The following HMGA1 variants were observed in gnomAD, a reference collection of about 807,000 sequenced individuals.
The protein encoded by HMGA1 is high mobility group protein HMG-I/HMG-Y.
In HMGA1, 1 loss-of-function variant was observed where a neutral mutation model predicts 15.1. That is an observed-to-expected ratio of 0.07 (90% CI 0.02 to 0.31). The LOEUF is 0.31. Among genes scored for constraint, HMGA1 ranks in the 10% least tolerant of loss-of-function variants. The pLI is 1.00. For synonymous variants in HMGA1, 56 were observed against 54.8 expected (o/e 1.02, Z -0.10); for missense variants, 94 against 141.4 (o/e 0.66, Z 1.70).
Position 34,240,861 on chromosome 6 carries a change from C to T in HMGA1, c.81C>T (p.Gly27=), listed in dbSNP as rs770767887. Residue 27 remains glycine (G), a synonymous_variant, in exon 3 of 6, where the codon GGC becomes GGT. Transcript: ENST00000311487. ...EKDGTEKRGR[G]RPRKQPPVSP... Reference sequence around the variant, plus strand: ...ACGGCACTGAGAAGCGGGGCCGGGGCAGGCCGCGCAAGCAGCCTCCGGTGA... The same window carrying T: ...ACGGCACTGAGAAGCGGGGCCGGGGTAGGCCGCGCAAGCAGCCTCCGGTGA... The T allele has an allele frequency of 9.9e-6, 16 of 1,613,476 alleles. No individual in the cohort carries two copies. The highest frequency in any genetic ancestry group is 6.7e-5 in the African/African-American group (5 of 74,894).
chr6:34,237,708 G>GCCCGA (rs1761911964), intron 2 of HMGA1, among the ~76,000 whole-genome samples: 1 of 82,564 alleles, frequency 1.2e-5, no homozygotes, highest in Non-Finnish European at 3.1e-5. Flanking sequence ...CCCGAGCCCG[G>GCCCGA]GCCCGGGTGA....
chr6:34,239,293 A>G (rs1762101063), intron 2 of HMGA1, among the ~76,000 whole-genome samples: 1 of 150,556 alleles, frequency 6.6e-6, no homozygotes, highest in South Asian at 2.1e-4. Flanking sequence ...TTTAAATTAG[A>G]CATGGGAGTC....
chr6:34,240,057 C>T (rs1762171816), intron 2 of HMGA1, among the ~76,000 whole-genome samples: 4 of 152,150 alleles, frequency 2.6e-5, no homozygotes, highest in Non-Finnish European at 2.9e-5. Flanking sequence ...TCCCCCACCT[C>T]ACCCACTAGC....
At position 34,245,136 on chromosome 6, in the gene HMGA1, G is replaced by A. The variant is rs550002991; in HGVS notation, c.*252G>A. ...TTCCCAGCTCCCCCCGCCCACCCAC[G>A]CATACACACATGCCCTCCTGGACAA... On this transcript the variant is annotated 3_prime_UTR_variant, in exon 6 of 6. Transcript: ENST00000311487. 128 of 1,375,220 alleles carry A rather than the reference G, an allele frequency of 9.3e-5. No homozygotes were observed. The African/African-American group carries it at 1.2e-3, about 13-fold the overall frequency. 85.2% of individuals were successfully genotyped at this position (1,375,220 alleles called of 1,614,324 possible).
rs201100046 is a variant in HMGA1, at chr6:34,244,794, G to A, written c.271-37G>A. ...CCTCTGGGGGTGGAAGAGGGGGACC[G>A]GGCCAGAGCTCACACCAACAACTGC... is the stretch of plus-strand genomic sequence containing the variant. On this transcript the variant is annotated intron_variant, in intron 5 of 5. Coordinates refer to ENST00000311487, the MANE Select transcript of HMGA1 (RefSeq NM_145899.3). 1.1e-4 allele frequency: 172 copies of A among 1,542,024 alleles called. 4 individuals are homozygous for A. The highest frequency in any genetic ancestry group is 1.0e-3 in the African/African-American group (74 of 73,382).
Position 34,245,413 on chromosome 6 carries a change from C to A in HMGA1, c.*529C>A. On this transcript the variant is annotated 3_prime_UTR_variant, in exon 6 of 6. Coordinates refer to ENST00000311487, the MANE Select transcript of HMGA1 (RefSeq NM_145899.3). ...GTGGCCAATGGAGGGGGGTGCTGGC[C>A]CCCAGGATTCCCCCAGCCAAACTGT... 2 of 1,360,366 alleles carry A rather than the reference C, an allele frequency of 1.5e-6. No individual in the cohort carries two copies. 84.3% of individuals were successfully genotyped at this position (1,360,366 alleles called of 1,614,324 possible).
Position 34,236,952 on chromosome 6 carries a change from C to T in HMGA1, c.-170C>T, listed in dbSNP as rs1761791987. 6.6e-6 allele frequency: 1 copy of T among 152,520 alleles called. No homozygotes were observed. Among genetic ancestry groups the T allele is most frequent in the African/African-American group, 2.4e-5 (1 of 41,458 alleles). 9.4% of individuals were successfully genotyped at this position (152,520 alleles called of 1,614,324 possible). ...GGGGCTATTTCTGGCGCTGGCGCGG[C>T]TCCAAGAAGGCGTGAGTTCGCGGCC... is the stretch of plus-strand genomic sequence containing the variant. On this transcript the variant is annotated 5_prime_UTR_variant, in exon 1 of 6. Coordinates refer to ENST00000311487, the MANE Select transcript of HMGA1 (RefSeq NM_145899.3).
intron 3 of HMGA1, among the ~76,000 whole-genome samples, chr6:34,241,673 C>T (rs1011906): frequency 6.6e-6 from 1 of 152,250 alleles, no homozygotes; most frequent in Non-Finnish European, 1.5e-5. Context: ...CCATATTGGC[C>T]TCTTACAGAG....
At chr6:34,243,041 C>T (rs530258570) in intron 4 of HMGA1, among the ~76,000 whole-genome samples, 21 of 152,188 alleles carry the variant, frequency 1.4e-4, no homozygotes, top group Admixed American at 1.3e-3. Flanking sequence ...AGAAGTCCCA[C>T]AGCTTTCCTG....
At chr6:34,237,948 C>T (rs910094064) in intron 2 of HMGA1, among the ~76,000 whole-genome samples, 1 of 152,136 alleles carries the variant, frequency 6.6e-6, no homozygotes, top group African/African-American at 2.4e-5. Context: ...GCCTCTTCAG[C>T]CCCAGGGGCC....
At chr6:34,237,365 C>T (rs890101080) in intron 2 of HMGA1, 48 bp downstream of exon 2, 67 of 145,452 alleles carry the variant, frequency 4.6e-4, no homozygotes, top group African/African-American at 1.4e-3. Flanking sequence ...GGGGGGCGCC[C>T]GCGCCCCCGC....
chr6:34,238,357 C>T (rs557948349), intron 2 of HMGA1, among the ~76,000 whole-genome samples: 1 of 152,298 alleles, frequency 6.6e-6, no homozygotes, highest in South Asian at 2.1e-4. Context: ...CCTGATGCCT[C>T]GGGGGTTTAG....
At position 34,237,304 on chromosome 6, in the gene HMGA1, C is replaced by G. The variant is rs1761839896; in HGVS notation, c.-58C>G. 1 of 147,270 alleles carries G rather than the reference C, an allele frequency of 6.8e-6. No homozygotes were observed. Among genetic ancestry groups the G allele is most frequent in the Non-Finnish European group, 1.5e-5 (1 of 66,518 alleles). 9.1% of individuals were successfully genotyped at this position (147,270 alleles called of 1,614,324 possible). A position where few individuals can be genotyped will look rare whatever the true frequency, so the allele number is the denominator to read the frequency against. On this transcript the variant is annotated 5_prime_UTR_variant, in exon 2 of 6. Transcript: ENST00000311487. Reference sequence around the variant, plus strand: ...ACCCGGAGCGCGCACCGCAGGCCGGCGGCCGAGCTCGCGGTGAGTCGTCCC... The same window carrying G: ...ACCCGGAGCGCGCACCGCAGGCCGGGGGCCGAGCTCGCGGTGAGTCGTCCC...
At chr6:34,243,943 C>T (rs1320730191) in intron 5 of HMGA1, among the ~76,000 whole-genome samples, 11 of 152,016 alleles carry the variant, frequency 7.2e-5, no homozygotes, top group South Asian at 4.2e-4. Flanking sequence ...TGGGAGGGGT[C>T]GGTGCTGGAG....
At chr6:34,244,778 G>A in intron 5 of HMGA1, 53 bp from the exon 6 acceptor site, 3 of 1,475,280 alleles carry the variant, frequency 2.0e-6, no homozygotes, top group Non-Finnish European at 2.8e-6. Context: ...GCCTCTGGGG[G>A]TGGAAGAGGG....
chr6:34,244,656 A>G (rs1762580051), intron 5 of HMGA1, among the ~76,000 whole-genome samples, 175 bp from the exon 6 acceptor site: 1 of 151,714 alleles, frequency 6.6e-6, no homozygotes, highest in African/African-American at 2.4e-5. Context: ...CTCCTTTTAA[A>G]TTCTTTTTAT....
At chr6:34,242,269 A>C (rs1762372610) in intron 3 of HMGA1, among the ~76,000 whole-genome samples, 1 of 152,282 alleles carries the variant, frequency 6.6e-6, no homozygotes, top group South Asian at 2.1e-4. Context: ...GAGGGTGGGC[A>C]GTGATCATGG....
chr6:34,245,713 C>G lies in HMGA1; in HGVS notation c.*829C>G. On this transcript the variant is annotated 3_prime_UTR_variant, in exon 6 of 6. Transcript: ENST00000311487. ...TGCTCCCCTAACCCTACTTTGCTTC[C>G]GCCACTCAGCCATTTCCCCCTCCTC... 1.2e-6 allele frequency: 1 copy of G among 814,730 alleles called. No individual in the cohort carries two copies. Among genetic ancestry groups the G allele is most frequent in the Non-Finnish European group, 1.8e-6 (1 of 558,618 alleles). 50.5% of individuals were successfully genotyped at this position (814,730 alleles called of 1,614,324 possible).
chr6:34,244,654 A>G (rs1459507203), intron 5 of HMGA1, among the ~76,000 whole-genome samples, 177 bp from the exon 6 acceptor site: 1 of 151,598 alleles, frequency 6.6e-6, no homozygotes, highest in East Asian at 1.9e-4. Context: ...TCCTCCTTTT[A>G]AATTCTTTTT....
Sources: allele counts gnomAD v4.1 joint callset (sites outside exome capture counted in the v4.1 genomes callset), GRCh38; gene constraint gnomAD v4.1.1; transcripts MANE v1.5; gene names NCBI Gene and HGNC (gene_info 2026-07-23, HGNC 2026-07-21).